KTN1: variants seen among roughly 807,000 people sequenced by gnomAD.
The protein encoded by KTN1 is kinectin 1.
In KTN1, 130 loss-of-function variants were observed where a neutral mutation model predicts 222.5. That is an observed-to-expected ratio of 0.58 (90% CI 0.51 to 0.68). The LOEUF is 0.68. Among genes scored for constraint, KTN1 ranks in the 30% least tolerant of loss-of-function variants. The pLI is 0.00. For synonymous variants in KTN1, 512 were observed against 496.3 expected, an observed-to-expected ratio of 1.03 and a Z score of -0.42; for missense variants, 1,508 against 1,500.4, an observed-to-expected ratio of 1.01 and a Z score of -0.08.
intron 34 of KTN1, 26 bp from the exon 35 acceptor site, chr14:55,670,700 TTAA>T: frequency 6.7e-7 from 1 of 1,486,282 alleles, no homozygotes; most frequent in Non-Finnish European, 9.2e-7. Flanking sequence ...TCTTTGGAAA[TTAA>T]TGATTTTAAC....
chr14:55,683,825 G>C, intron 43 of KTN1: 1 of 356,634 alleles, frequency 2.8e-6, no homozygotes, highest in Non-Finnish European at 5.0e-6. Context: ...CTCTTGAGTA[G>C]GACTAATAAA....
chr14:55,604,169 CT>C (rs1222050569), intron 1 of KTN1, among the ~76,000 whole-genome samples: 1 of 152,170 alleles, frequency 6.6e-6, no homozygotes, highest in Non-Finnish European at 1.5e-5. Flanking sequence ...TTCAAATTCT[CT>C]TTGACCTCAT....
At chr14:55,613,281 T>C (rs2037861573) in intron 2 of KTN1, among the ~76,000 whole-genome samples, 1 of 151,974 alleles carries the variant, frequency 6.6e-6, no homozygotes, top group Non-Finnish European at 1.5e-5. Flanking sequence ...TGCCAGAAAT[T>C]TTTAAAGTTT....
intron 33 of KTN1, among the ~76,000 whole-genome samples, chr14:55,666,751 A>G (rs1263091943): frequency 6.6e-6 from 1 of 151,956 alleles, no homozygotes; most frequent in African/African-American, 2.4e-5. Flanking sequence ...AATACTTCAC[A>G]TGACCTTGAA....
rs2041778456 is a variant in KTN1, at chr14:55,641,311, A to G, written c.2103+103A>G. The G allele has an allele frequency of 7.3e-6, 5 of 687,596 alleles. No individual in the cohort carries two copies. In the Admixed American group the frequency reaches 1.3e-4, roughly 17 times the overall value. The allele number at this position is 687,596 out of a possible 1,614,324, so 42.6% of individuals were successfully genotyped here. A position where few individuals can be genotyped will look rare whatever the true frequency, so the allele number is the denominator to read the frequency against. Reference sequence around the variant, plus strand: ...TACGTTTTGTATGAAGTCACTCTGAAACAGTGTTTCTGTAGTTTATTAGGG... The same window carrying G: ...TACGTTTTGTATGAAGTCACTCTGAGACAGTGTTTCTGTAGTTTATTAGGG... On this transcript the variant is annotated intron_variant, in intron 17 of 43. Transcript: ENST00000395314.
intron 18 of KTN1, among the ~76,000 whole-genome samples, chr14:55,643,756 T>C (rs573650189): frequency 2.2e-4 from 33 of 152,314 alleles, no homozygotes; most frequent in African/African-American, 7.9e-4. Flanking sequence ...TGTAATACCT[T>C]GAGAAATGCC....
chr14:55,633,196 C>A, intron 7 of KTN1, 39 bp from the exon 8 acceptor site: 3 of 1,174,366 alleles, frequency 2.6e-6, no homozygotes, highest in Non-Finnish European at 3.6e-6. Context: ...CTTTGACAGT[C>A]TTTGTTTTCT....
At chr14:55,647,633 CAAAAAAAAA>C (rs35742930) in intron 19 of KTN1, among the ~76,000 whole-genome samples, 2 of 33,014 alleles carry the variant, frequency 6.1e-5, no homozygotes, top group African/African-American at 2.7e-4. Context: ...AACTCTGCCT[CAAAAAAAAA>C]AAAAAAAAAA....
chr14:55,610,279 A>G (rs2037343298), intron 1 of KTN1, among the ~76,000 whole-genome samples: 1 of 152,036 alleles, frequency 6.6e-6, no homozygotes, highest in Admixed American at 6.6e-5. Flanking sequence ...GTACTGTGGA[A>G]CCTGAGTATA....
At chr14:55,657,557 A>C (rs1249513354) in intron 29 of KTN1, among the ~76,000 whole-genome samples, 1 of 151,934 alleles carries the variant, frequency 6.6e-6, no homozygotes, top group Non-Finnish European at 1.5e-5. Context: ...TTATGTACTC[A>C]AATATAAGTA....
chr14:55,659,053 T>C (rs17685053), intron 30 of KTN1, among the ~76,000 whole-genome samples: 1 of 152,004 alleles, frequency 6.6e-6, no homozygotes, highest in Non-Finnish European at 1.5e-5. Context: ...GCTTGGTAAA[T>C]CAAAAGTGTG....
At chr14:55,633,997 G>A (rs889172020) in intron 8 of KTN1, among the ~76,000 whole-genome samples, 1 of 152,066 alleles carries the variant, frequency 6.6e-6, no homozygotes, top group African/African-American at 2.4e-5. Context: ...AAAATTAGCT[G>A]GGCTTGGTGG....
chr14:55,640,902 T>G, intron 15 of KTN1, 31 bp from the exon 16 acceptor site: 1 of 1,598,284 alleles, frequency 6.3e-7, no homozygotes, highest in Non-Finnish European at 8.6e-7. Context: ...TCCTGTGAAG[T>G]GATATCATTT....
Position 55,670,751 on chromosome 14 carries a change from G to A in KTN1, c.3290G>A (p.Gly1097Glu). The change falls in exon 35 of 44, where the codon GGA becomes GAA. Residue 1097 changes from glycine to glutamate, a missense_variant. Coordinates refer to ENST00000395314, the MANE Select transcript of KTN1 (RefSeq NM_001079521.2). The part of the protein sequence containing the change: ...SNLSYGEWLH[G>E]FEKKAKECMA... ...CAGAGTTATGGTGAATGGTTGCATG[G>A]ATTTGAAAAAAAGGCAAAAGAATGT... 1 of 1,609,378 alleles carries A rather than the reference G, an allele frequency of 6.2e-7. No individual in the cohort carries two copies. The highest frequency in any genetic ancestry group is 1.1e-5 in the South Asian group (1 of 90,658).
At chr14:55,580,865 C>A (rs544285414) in intron 1 of KTN1, among the ~76,000 whole-genome samples, 1 of 152,212 alleles carries the variant, frequency 6.6e-6, no homozygotes, top group Non-Finnish European at 1.5e-5. Flanking sequence ...GAGTTCCAGT[C>A]CTCGCCGCTG....
chr14:55,637,486 A>T, intron 11 of KTN1, 122 bp downstream of exon 11: 2 of 788,052 alleles, frequency 2.5e-6, no homozygotes. Flanking sequence ...GAATAATTAT[A>T]ACTTTGTCTT....
chr14:55,609,317 C>T (rs1419079674), intron 1 of KTN1, among the ~76,000 whole-genome samples: 17 of 152,160 alleles, frequency 1.1e-4, no homozygotes, highest in African/African-American at 4.8e-5. Flanking sequence ...ATGTCCCTGC[C>T]GAGGACATGA....
chr14:55,602,672 TC>T (rs2140481059), intron 1 of KTN1, among the ~76,000 whole-genome samples: 1 of 152,068 alleles, frequency 6.6e-6, no homozygotes, highest in South Asian at 2.1e-4. Context: ...GCCTTGAGCT[TC>T]TGTGCTCAAG....
Position 55,612,560 on chromosome 14 carries a change from A to C in KTN1, c.512A>C (p.Lys171Thr). 1.9e-6 allele frequency: 3 copies of C among 1,580,556 alleles called. No homozygotes were observed. The South Asian group carries it at 3.5e-5, about 19-fold the overall frequency. The part of the protein sequence containing the change: ...SKKKPGQKKS[K>T]NGSDDQDKKV... ...AAGAAACCAGGGCAGAAGAAGTCTA[A>C]AAATGGAAGCGGTATTGTAATCTAT... is the stretch of plus-strand genomic sequence containing the variant. The change falls in exon 2 of 44, where the codon AAA becomes ACA. Residue 171 changes from lysine (K) to threonine (T), a missense_variant. Lys to Thr is a moderately conservative substitution (Grantham distance 78). Coordinates refer to ENST00000395314, the MANE Select transcript of KTN1 (RefSeq NM_001079521.2).
Sources: gnomAD v4.1 joint callset for allele counts (sites outside exome capture counted in the v4.1 genomes callset) on GRCh38, gnomAD v4.1.1 for gene constraint, MANE v1.5 for transcripts, NCBI Gene and HGNC (gene_info 2026-07-23, HGNC 2026-07-21) for gene names.